PPFIBP2: variants seen among roughly 807,000 people sequenced by gnomAD.
The protein encoded by PPFIBP2 is PPFIB scaffold protein 2, also known as liprin-beta-2.
Under a neutral mutation model 118.3 loss-of-function variants are expected in PPFIBP2, and 118 were observed. The ratio of observed to expected loss-of-function variants is 1.00; its 90% CI spans 0.86 to 1.16. The LOEUF is 1.16. Among genes scored for constraint, PPFIBP2 ranks in the 50% most tolerant of loss-of-function variants. The pLI is 0.00. For synonymous variants in PPFIBP2, 414 were observed against 397.4 expected (o/e 1.04, Z -0.50); for missense variants, 1,195 against 1,073.1 (o/e 1.11, Z -1.59).
intron 16 of PPFIBP2, 27 bp from the exon 17 acceptor site, chr11:7,642,271 C>T (rs776665399): frequency 1.4e-5 from 22 of 1,611,982 alleles, no homozygotes; most frequent in South Asian, 3.3e-5. Context: ...ATTCCATGAC[C>T]GTCTCCATGG....
intron 6 of PPFIBP2, among the ~76,000 whole-genome samples, chr11:7,610,801 A>G (rs1847974694): frequency 6.6e-6 from 1 of 152,224 alleles, no homozygotes; most frequent in Non-Finnish European, 1.5e-5. Context: ...ACTGGATCCA[A>G]GGAGTCTGGA....
chr11:7,520,643 A>G (rs887530689), intron 1 of PPFIBP2, among the ~76,000 whole-genome samples: 2 of 152,190 alleles, frequency 1.3e-5, no homozygotes, highest in Admixed American at 6.5e-5. Context: ...GTTCCATTCT[A>G]CAGCCTGTTC....
rs577099919 is a variant in PPFIBP2, at chr11:7,538,708, A to G, written c.-36-10732A>G. Among the ~76,000 whole-genome samples, 7 of 149,126 alleles carry G rather than the reference A, an allele frequency of 4.7e-5. No homozygotes were observed. In the East Asian group the frequency reaches 7.8e-4, roughly 17 times the overall value. On this transcript the variant is annotated intron_variant, in intron 1 of 23. Transcript: ENST00000299492. The stretch of plus-strand genomic sequence containing the variant: ...TTAAGGATATCCTGGACCTCGCCTG[A>G]CAGGGAGTGGCTGGGAATACCCGGT...
intron 8 of PPFIBP2, among the ~76,000 whole-genome samples, chr11:7,626,279 G>T (rs1849994575): frequency 6.6e-6 from 1 of 152,234 alleles, no homozygotes; most frequent in African/African-American, 2.4e-5. Flanking sequence ...AATTTACTCA[G>T]TCATTTCATG....
At chr11:7,582,810 A>T (rs1857479924) in intron 3 of PPFIBP2, among the ~76,000 whole-genome samples, 2 of 151,280 alleles carry the variant, frequency 1.3e-5, no homozygotes, top group Admixed American at 6.6e-5. Flanking sequence ...ATCCTGTTTC[A>T]TGGGCCAGGA....
In PPFIBP2 at chr11:7,653,649, A is replaced by AGGG. The variant is rs1854403455; in HGVS notation, c.*432_*434dup. On this transcript the variant is annotated 3_prime_UTR_variant, in exon 24 of 24. Coordinates refer to ENST00000299492, the MANE Select transcript of PPFIBP2 (RefSeq NM_003621.5). Reference sequence around the variant, plus strand: ...GGACCACAGTCTTGGCTGAGATCAAAGGGATGAGCAACAGGGACTTCTGCC... The same window carrying AGGG: ...GGACCACAGTCTTGGCTGAGATCAAAGGGGGGATGAGCAACAGGGACTTCTGCC... The AGGG allele has an allele frequency of 7.7e-7, 1 of 1,292,786 alleles. No individual in the cohort carries two copies. The highest frequency in any genetic ancestry group is 1.5e-5 in the African/African-American group (1 of 66,166). The allele number at this position is 1,292,786 out of a possible 1,614,324, so 80.1% of individuals were successfully genotyped here.
At chr11:7,541,510 A>G (rs1851777161) in intron 1 of PPFIBP2, among the ~76,000 whole-genome samples, 2 of 151,856 alleles carry the variant, frequency 1.3e-5, no homozygotes, top group Admixed American at 6.6e-5. Flanking sequence ...TATGGGTGCC[A>G]CTCTCACTTC....
Position 7,549,518 on chromosome 11 carries a change from C to A in PPFIBP2, c.43C>A (p.Gln15Lys), listed in dbSNP as rs1418337752. ...TCATGCGCTGGAAGCTGCCCTGGAG[C>A]AAATGGACGGGATCATTGCAGGTAC... The part of the protein sequence containing the change: ...ASHALEAALE[Q>K]MDGIIAGTKT... Residue 15 changes from glutamine (Q) to lysine (K), a missense_variant, in exon 2 of 24, where the codon CAA becomes AAA. Coordinates refer to ENST00000299492, the MANE Select transcript of PPFIBP2 (RefSeq NM_003621.5). 1.3e-6 allele frequency: 2 copies of A among 1,563,244 alleles called. No homozygotes were observed. Among genetic ancestry groups the A allele is most frequent in the Non-Finnish European group, 1.7e-6 (2 of 1,153,832 alleles).
chr11:7,665,166 C>T, the PPFIBP2 span: 1 of 460,808 alleles, frequency 2.2e-6, no homozygotes. Context: ...GAGCTCTTTC[C>T]AGCCTCCAAG....
At chr11:7,597,400 G>C (rs1435273777) in intron 4 of PPFIBP2, 160 bp from the exon 5 acceptor site, 1 of 1,538,452 alleles carries the variant, frequency 6.5e-7, no homozygotes, top group Non-Finnish European at 8.7e-7. Flanking sequence ...AGCTGCCTTC[G>C]TTCAGGACAC....
At chr11:7,541,332 T>A (rs1485023018) in intron 1 of PPFIBP2, among the ~76,000 whole-genome samples, 1 of 152,072 alleles carries the variant, frequency 6.6e-6, no homozygotes, top group East Asian at 1.9e-4. Flanking sequence ...GGTAACCGGT[T>A]AGGAGGCTAT....
At chr11:7,518,256 A>G (rs1849420767) in intron 1 of PPFIBP2, among the ~76,000 whole-genome samples, 1 of 152,212 alleles carries the variant, frequency 6.6e-6, no homozygotes, top group African/African-American at 2.4e-5. Flanking sequence ...TTGGGAGATG[A>G]ACCGAAGGTT....
intron 4 of PPFIBP2, among the ~76,000 whole-genome samples, chr11:7,594,276 G>GT (rs148062094): frequency 1.3e-4 from 19 of 151,786 alleles, no homozygotes; most frequent in East Asian, 3.9e-4. Context: ...CAGTGTTGTT[G>GT]GTTTTTTTTC....
At chr11:7,556,713 A>G (rs72849081) in intron 2 of PPFIBP2, among the ~76,000 whole-genome samples, 4,692 of 152,314 alleles carry the variant, frequency 0.031, 73 homozygotes, top group Middle Eastern at 0.041. Flanking sequence ...CATTTGAAAA[A>G]TGTCCTTAAA....
chr11:7,592,333 A>G (rs1294892060), intron 3 of PPFIBP2, among the ~76,000 whole-genome samples: 5 of 152,020 alleles, frequency 3.3e-5, no homozygotes, highest in Admixed American at 6.6e-5. Flanking sequence ...TGCTTGGGAC[A>G]TTTGTAAGAT....
chr11:7,549,375 C>A (rs945122448), intron 1 of PPFIBP2, 65 bp from the exon 2 acceptor site: 20 of 1,391,490 alleles, frequency 1.4e-5, no homozygotes, highest in Non-Finnish European at 2.0e-5. Flanking sequence ...AAGATTTTTG[C>A]GATCTTGTGT....
At chr11:7,577,341 GTGTGTGTGTGTT>G (rs1210195501) in intron 3 of PPFIBP2, 5 of 337,092 alleles carry the variant, frequency 1.5e-5, no homozygotes, top group African/African-American at 6.7e-5. Context: ...GTGTGTGTGT[GTGTGTGTGTGTT>G]TGTTGGGGTG....
In PPFIBP2 at chr11:7,653,198, C is replaced by G. The variant is rs752429894; in HGVS notation, c.2611C>G (p.Gln871Glu). ...LDAPELDGLDQVGQIS is the reference protein window; with the variant it reads ...LDAPELDGLDEVGQIS ...TGCCCCTGAACTGGATGGGCTGGAC[C>G]AGGTGGGACAGATTAGCTGATGCCC... The change falls in exon 24 of 24, where the codon CAG becomes GAG. Residue 871 changes from glutamine (Q) to glutamate (E), a missense_variant. By Grantham distance (29) the Gln-to-Glu change is conservative. Coordinates refer to ENST00000299492, the MANE Select transcript of PPFIBP2 (RefSeq NM_003621.5). 2.5e-6 allele frequency: 4 copies of G among 1,614,180 alleles called. No individual in the cohort carries two copies. In the Admixed American group the frequency reaches 6.7e-5, roughly 27 times the overall value.
chr11:7,635,513 T>C, intron 13 of PPFIBP2, 39 bp from the exon 14 acceptor site: 2 of 1,581,150 alleles, frequency 1.3e-6, no homozygotes, highest in South Asian at 1.1e-5. Flanking sequence ...ACAAGTCTCT[T>C]TTTCTCCACA....
Sources: gnomAD v4.1 joint callset for allele counts (sites outside exome capture counted in the v4.1 genomes callset) on GRCh38, gnomAD v4.1.1 for gene constraint, MANE v1.5 for transcripts, NCBI Gene and HGNC (gene_info 2026-07-23, HGNC 2026-07-21) for gene names.